Variants in B3GALT5 observed in about 807,000 individuals in gnomAD.
B3GALT5 encodes the protein UDP-Gal:betaGlcNAc beta 1,3-galactosyltransferase, polypeptide 5.
For synonymous variants in B3GALT5, 156 were observed against 158.6 expected, an observed-to-expected ratio of 0.98 and a Z score of 0.12; for missense variants, 328 against 396.6, an observed-to-expected ratio of 0.83 and a Z score of 1.47.
intron 1 of B3GALT5, among the ~76,000 whole-genome samples, chr21:39,631,746 G>C (rs552202714): frequency 6.6e-6 from 1 of 152,336 alleles, no homozygotes; most frequent in Admixed American, 6.5e-5. Context: ...TAAAGAAGTA[G>C]AGAGACATAA....
rs1378678806 is a variant in B3GALT5, at chr21:39,668,150, C to T, written c.*6658C>T. On this transcript the variant is annotated 3_prime_UTR_variant, in exon 4 of 4. Coordinates refer to ENST00000684187, the MANE Select transcript of B3GALT5 (RefSeq NM_001356336.2). ...TTTCCTGATTTGGGGTAAATAGATC[C>T]AGAGACCAAGGCTCCATGTTATCCC... 1.3e-5 allele frequency: 2 copies of T among 152,214 alleles called. No homozygotes were observed. Among genetic ancestry groups the T allele is most frequent in the Non-Finnish European group, 2.9e-5 (2 of 68,080 alleles). The allele number at this position is 152,214 out of a possible 1,614,324, so 9.4% of individuals were successfully genotyped here.
intron 1 of B3GALT5, among the ~76,000 whole-genome samples, chr21:39,624,873 C>A (rs369579740): frequency 6.7e-6 from 1 of 150,162 alleles, no homozygotes. Flanking sequence ...TCTTTCCATC[C>A]TCACTCTCTT....
chr21:39,639,001 C>A (rs1232385822), intron 1 of B3GALT5, among the ~76,000 whole-genome samples: 3 of 152,210 alleles, frequency 2.0e-5, no homozygotes, highest in Admixed American at 6.5e-5. Flanking sequence ...GCTCTTCAAT[C>A]TTAACAGTAG....
chr21:39,636,404 A>G (rs2079227788), intron 1 of B3GALT5, among the ~76,000 whole-genome samples: 1 of 152,174 alleles, frequency 6.6e-6, no homozygotes, highest in Admixed American at 6.5e-5. Flanking sequence ...GACTTTAGCC[A>G]GGAGAAGCCA....
In B3GALT5 at chr21:39,666,188, C is replaced by T. The variant is rs770928374; in HGVS notation, c.*4696C>T. On this transcript the variant is annotated 3_prime_UTR_variant, in exon 4 of 4. Transcript: ENST00000684187. The stretch of plus-strand genomic sequence containing the variant: ...GCTCTTCACCCCTTTTCTTCCAAAA[C>T]GGAAAACCTCACACAATGCAGGGTG... The T allele has an allele frequency of 1.3e-5, 2 of 152,284 alleles. No homozygotes were observed. Among genetic ancestry groups the T allele is most frequent in the Admixed American group, 6.5e-5 (1 of 15,286 alleles). The allele number at this position is 152,284 out of a possible 1,614,324, so 9.4% of individuals were successfully genotyped here. A position where few individuals can be genotyped will look rare whatever the true frequency, so the allele number is the denominator to read the frequency against.
At position 39,661,738 on chromosome 21, in the gene B3GALT5, CAG is replaced by C. The variant is rs1198223366; in HGVS notation, c.*247_*248del. On this transcript the variant is annotated 3_prime_UTR_variant, in exon 4 of 4. Coordinates refer to ENST00000684187, the MANE Select transcript of B3GALT5 (RefSeq NM_001356336.2). The surrounding 1 kb of genome is among the most constrained non-coding windows in gnomAD (Gnocchi z 4.7). The stretch of plus-strand genomic sequence containing the variant: ...GACATACACCTGGATTTTTGCATTT[CAG>C]GGGTCAGTATCCTATGACATGATGG... 4 of 397,296 alleles carry C rather than the reference CAG, an allele frequency of 1.0e-5. No homozygotes were observed. The highest frequency in any genetic ancestry group is 1.9e-5 in the Non-Finnish European group (4 of 214,770). The allele number at this position is 397,296 out of a possible 1,614,324, so 24.6% of individuals were successfully genotyped here.
rs1190931322 is a variant in B3GALT5, at chr21:39,664,339, A to G, written c.*2847A>G. ...CCCAAACCTCCGTACTCTGCCTTCTACTGTGACTGTGGCAGAAGCCACTTG... is the reference window on the plus strand; with the variant it reads ...CCCAAACCTCCGTACTCTGCCTTCTGCTGTGACTGTGGCAGAAGCCACTTG... On this transcript the variant is annotated 3_prime_UTR_variant, in exon 4 of 4. Transcript: ENST00000684187. 1 of 152,226 alleles carries G rather than the reference A, an allele frequency of 6.6e-6. No homozygotes were observed. The highest frequency in any genetic ancestry group is 6.6e-5 in the Admixed American group (1 of 15,266). The allele number at this position is 152,226 out of a possible 1,614,324, so 9.4% of individuals were successfully genotyped here.
intron 1 of B3GALT5, among the ~76,000 whole-genome samples, chr21:39,616,150 C>T (rs2079106378): frequency 1.3e-5 from 2 of 152,128 alleles, no homozygotes; most frequent in East Asian, 1.9e-4. Context: ...AAGTTTGAGA[C>T]CAGCCTGGAC....
intron 1 of B3GALT5, among the ~76,000 whole-genome samples, chr21:39,621,325 A>G (rs1181584777): frequency 1.3e-5 from 2 of 152,146 alleles, no homozygotes; most frequent in Non-Finnish European, 2.9e-5. Context: ...ATTTACTGGT[A>G]TAATTTATTA....
chr21:39,652,478 G>A (rs1354046638), intron 2 of B3GALT5, among the ~76,000 whole-genome samples: 3 of 152,204 alleles, frequency 2.0e-5, no homozygotes, highest in South Asian at 2.1e-4. Flanking sequence ...TGTAGAACAC[G>A]TAAGTGCCCT....
intron 1 of B3GALT5, among the ~76,000 whole-genome samples, chr21:39,623,257 T>C (rs1275012116): frequency 7.7e-6 from 1 of 129,598 alleles, no homozygotes; most frequent in African/African-American, 2.9e-5. Flanking sequence ...CTTCCTTCCT[T>C]CCTTCCTTCC....
chr21:39,660,450 T>G, intron 3 of B3GALT5, 110 bp from the exon 4 acceptor site: 1 of 927,810 alleles, frequency 1.1e-6, no homozygotes, highest in Non-Finnish European at 1.5e-6. Context: ...TGCAGCGAGG[T>G]TCTAGAGTTT....
At position 39,671,127 on chromosome 21, in the gene B3GALT5, A is replaced by G. The variant is rs543952452; in HGVS notation, c.*9635A>G. On this transcript the variant is annotated 3_prime_UTR_variant, in exon 4 of 4. Coordinates refer to ENST00000684187, the MANE Select transcript of B3GALT5 (RefSeq NM_001356336.2). Reference sequence around the variant, plus strand: ...TAACTGACCCTCCTCTTATAATAACATTAATTCATTCATGACAGCAGAACC... The same window carrying G: ...TAACTGACCCTCCTCTTATAATAACGTTAATTCATTCATGACAGCAGAACC... 1 of 152,172 alleles carries G rather than the reference A, an allele frequency of 6.6e-6. No individual in the cohort carries two copies. The highest frequency in any genetic ancestry group is 1.5e-5 in the Non-Finnish European group (1 of 68,038). 9.4% of individuals were successfully genotyped at this position (152,172 alleles called of 1,614,324 possible).
At chr21:39,623,702 G>A (rs2123688417) in intron 1 of B3GALT5, among the ~76,000 whole-genome samples, 1 of 152,184 alleles carries the variant, frequency 6.6e-6, no homozygotes, top group African/African-American at 2.4e-5. Flanking sequence ...TTGATAATTT[G>A]CCTTTCTCCA....
At chr21:39,635,880 T>C (rs1182627456) in intron 1 of B3GALT5, among the ~76,000 whole-genome samples, 3 of 152,232 alleles carry the variant, frequency 2.0e-5, no homozygotes, top group African/African-American at 7.2e-5. Flanking sequence ...TCTGTGCATG[T>C]GCTCTTAGTT....
intron 2 of B3GALT5, among the ~76,000 whole-genome samples, chr21:39,649,380 C>A (rs1390450251): frequency 6.6e-6 from 1 of 152,226 alleles, no homozygotes. Context: ...ACAGGCCCTT[C>A]CGGATTCCCT....
chr21:39,620,055 G>A (rs673361), intron 1 of B3GALT5, among the ~76,000 whole-genome samples: 51,885 of 152,064 alleles, frequency 0.34, 10,278 homozygotes, highest in African/African-American at 0.56. Context: ...CGAACCCCTG[G>A]CCTCAAGTGA....
chr21:39,672,025 A>G lies in B3GALT5; in HGVS notation c.*10533A>G, dbSNP rs1041972766. The G allele has an allele frequency of 1.3e-5, 2 of 152,262 alleles. No individual in the cohort carries two copies. The highest frequency in any genetic ancestry group is 2.4e-5 in the African/African-American group (1 of 41,478). 9.4% of individuals were successfully genotyped at this position (152,262 alleles called of 1,614,324 possible). ...ATGATCTTCCTACTTATCAGACACA[A>G]TCACTTTTAAATATGAGCAGAAAAA... On this transcript the variant is annotated 3_prime_UTR_variant, in exon 4 of 4. Coordinates refer to ENST00000684187, the MANE Select transcript of B3GALT5 (RefSeq NM_001356336.2).
chr21:39,672,667 G>C lies in B3GALT5; in HGVS notation c.*11175G>C, dbSNP rs977497836. On this transcript the variant is annotated 3_prime_UTR_variant, in exon 4 of 4. Transcript: ENST00000684187. The stretch of plus-strand genomic sequence containing the variant: ...CTTCCCGAAAAATTGGCAAGGTAAT[G>C]GTCTGAATCGGACAATCCTTTTGTT... The C allele has an allele frequency of 1.6e-4, 25 of 152,164 alleles. No individual in the cohort carries two copies. The highest frequency in any genetic ancestry group is 6.0e-4 in the African/African-American group (25 of 41,444). The allele number at this position is 152,164 out of a possible 1,614,324, so 9.4% of individuals were successfully genotyped here.
Sources: allele counts gnomAD v4.1 joint callset (sites outside exome capture counted in the v4.1 genomes callset), GRCh38; gene constraint gnomAD v4.1.1; non-coding constraint Gnocchi (gnomAD v3.1); transcripts MANE v1.5; gene names NCBI Gene and HGNC (gene_info 2026-07-23, HGNC 2026-07-21).